The following DCC variants were observed in gnomAD, a reference collection of about 807,000 sequenced individuals.
DCC encodes netrin receptor DCC.
In DCC, 58 loss-of-function variants were observed where a neutral mutation model predicts 172.5. The observed-to-expected ratio is 0.34, with a 90% CI of 0.27 to 0.42. DCC has a LOEUF of 0.42. Among genes scored for constraint, DCC ranks in the 10% least tolerant of loss-of-function variants. The pLI is 1.00. For synonymous variants in DCC, 709 were observed against 644.5 expected, an observed-to-expected ratio of 1.10 and a Z score of -1.52; for missense variants, 1,740 against 1,791.0, an observed-to-expected ratio of 0.97 and a Z score of 0.51.
chr18:52,719,583 G>A (rs1034140090), intron 1 of DCC, among the ~76,000 whole-genome samples: 3 of 147,686 alleles, frequency 2.0e-5, no homozygotes, highest in Non-Finnish European at 3.0e-5. Flanking sequence ...ATGGTCCAGC[G>A]GGGGAGATCA....
intron 1 of DCC, among the ~76,000 whole-genome samples, chr18:52,717,670 G>A (rs35156469): frequency 0.28 from 42,222 of 151,756 alleles, 6,376 homozygotes; most frequent in East Asian, 0.45. Context: ...TGTCTCCAGC[G>A]GACTTTTAAC....
At chr18:52,464,880 G>T (rs1988739488) in intron 1 of DCC, among the ~76,000 whole-genome samples, 1 of 152,072 alleles carries the variant, frequency 6.6e-6, no homozygotes, top group South Asian at 2.1e-4. Flanking sequence ...AGAGCACCAT[G>T]ATAGAAGGAG....
intron 28 of DCC, among the ~76,000 whole-genome samples, chr18:53,527,579 G>C: frequency 6.6e-6 from 1 of 151,622 alleles, no homozygotes; most frequent in Non-Finnish European, 1.5e-5. Flanking sequence ...TAAAAAATAA[G>C]AAGGGAAAGT....
At chr18:53,391,551 C>A in intron 16 of DCC, 104 bp from the exon 17 acceptor site, 1 of 761,000 alleles carries the variant, frequency 1.3e-6, no homozygotes, top group Non-Finnish European at 2.4e-6. Flanking sequence ...TCATTATTGC[C>A]ATGCATTTAA....
At chr18:52,574,384 C>T (rs1453349929) in intron 1 of DCC, among the ~76,000 whole-genome samples, 1 of 152,180 alleles carries the variant, frequency 6.6e-6, no homozygotes, top group Non-Finnish European at 1.5e-5. Flanking sequence ...TTCATAACAG[C>T]TGTGAGAATT....
intron 12 of DCC, among the ~76,000 whole-genome samples, chr18:53,300,993 T>TTTCTTTCTTTCTTTCTTTCTTTC (rs1295331909): frequency 7.0e-4 from 8 of 11,400 alleles, no homozygotes; most frequent in South Asian, 7.3e-3. Context: ...TTCTTTCTTT[T>TTTCTTTCTTTCTTTCTTTCTTTC]TTTTTCTTTT....
chr18:53,011,257 A>C (rs1303719129), intron 5 of DCC, among the ~76,000 whole-genome samples: 1 of 151,642 alleles, frequency 6.6e-6, no homozygotes, highest in East Asian at 1.9e-4. Context: ...ATCTCACAAA[A>C]ATCTTTTAAA....
chr18:53,466,864 G>T (rs972534675), intron 24 of DCC, among the ~76,000 whole-genome samples: 2 of 152,184 alleles, frequency 1.3e-5, no homozygotes, highest in African/African-American at 4.8e-5. Context: ...ATTCTGTGTA[G>T]TTTTTGTAGG....
chr18:53,251,691 G>C (rs1428336449), intron 12 of DCC, among the ~76,000 whole-genome samples: 1 of 151,822 alleles, frequency 6.6e-6, no homozygotes, highest in East Asian at 1.9e-4. Context: ...GTGCATGCAA[G>C]TAGACACTGT....
In DCC at chr18:52,479,530, A is replaced by ATCTC. The variant is rs142961729; in HGVS notation, c.91+138666_91+138669dup. On this transcript the variant is annotated intron_variant, in intron 1 of 28. Transcript: ENST00000442544. Reference sequence around the variant, plus strand: ...CCAGTGTCCCTGGCTCCCCCTCCTCATCTCTCTCTCTCTCTCTGTCTCTCT... The same window carrying ATCTC: ...CCAGTGTCCCTGGCTCCCCCTCCTCATCTCTCTCTCTCTCTCTCTCTGTCTCTCT... Among the ~76,000 whole-genome samples, 54 of 138,324 alleles carry ATCTC rather than the reference A, an allele frequency of 3.9e-4. 1 individual carries two copies. The East Asian group carries it at 8.3e-3, about 21-fold the overall frequency. 90.7% of individuals were successfully genotyped at this position (138,324 alleles called of 152,430 possible). A position where few individuals can be genotyped will look rare whatever the true frequency, so the allele number is the denominator to read the frequency against.
At chr18:52,566,886 C>T (rs1054046276) in intron 1 of DCC, among the ~76,000 whole-genome samples, 2 of 151,930 alleles carry the variant, frequency 1.3e-5, no homozygotes, top group Admixed American at 6.6e-5. Context: ...AACTATATGA[C>T]GTACCATAAA....
At chr18:53,524,921 A>G (rs1344811870) in intron 27 of DCC, among the ~76,000 whole-genome samples, 2 of 152,044 alleles carry the variant, frequency 1.3e-5, no homozygotes, top group African/African-American at 2.4e-5. Context: ...ACTGAGAATA[A>G]GAATACTTAG....
intron 1 of DCC, among the ~76,000 whole-genome samples, chr18:52,615,065 C>G (rs2034354069): frequency 6.6e-6 from 1 of 152,132 alleles, no homozygotes; most frequent in Non-Finnish European, 1.5e-5. Flanking sequence ...GATTACATCT[C>G]TCTTAAAAGT....
At chr18:52,959,829 T>C (rs941045040) in intron 5 of DCC, among the ~76,000 whole-genome samples, 4 of 152,276 alleles carry the variant, frequency 2.6e-5, no homozygotes, top group African/African-American at 7.2e-5. Flanking sequence ...AAGAATTTCA[T>C]GGGATACTAG....
intron 2 of DCC, among the ~76,000 whole-genome samples, chr18:52,823,988 T>C (rs762067404): frequency 6.6e-6 from 1 of 152,124 alleles, no homozygotes; most frequent in Non-Finnish European, 1.5e-5. Flanking sequence ...CAAAACAGAA[T>C]AAGGAAACAT....
intron 1 of DCC, among the ~76,000 whole-genome samples, chr18:52,349,162 G>A (rs11082920): frequency 0.33 from 49,432 of 152,020 alleles, 8,607 homozygotes; most frequent in East Asian, 0.51. Context: ...TCAAACAAAC[G>A]TATGTGCTTT....
chr18:53,512,602 A>G (rs1429602379), intron 27 of DCC, among the ~76,000 whole-genome samples: 1 of 151,520 alleles, frequency 6.6e-6, no homozygotes, highest in Non-Finnish European at 1.5e-5. Context: ...TAACCAATAC[A>G]GAGAAGTGCT....
At chr18:53,189,488 T>C (rs2055335258) in intron 9 of DCC, among the ~76,000 whole-genome samples, 1 of 151,916 alleles carries the variant, frequency 6.6e-6, no homozygotes. Context: ...CATATATGTA[T>C]ACATATAGAA....
At chr18:52,725,711 A>AT (rs1020464951) in intron 1 of DCC, among the ~76,000 whole-genome samples, 1 of 152,192 alleles carries the variant, frequency 6.6e-6, no homozygotes, top group Admixed American at 6.5e-5. Context: ...AAGGTCGATG[A>AT]TTTTGACTAA....
Sources: allele counts gnomAD v4.1 joint callset (sites outside exome capture counted in the v4.1 genomes callset), GRCh38; gene constraint gnomAD v4.1.1; transcripts MANE v1.5; gene names NCBI Gene and HGNC (gene_info 2026-07-23, HGNC 2026-07-21).